Variants in RP1 observed in about 807,000 individuals in gnomAD.
The protein encoded by RP1 is RP1 axonemal microtubule associated.
In RP1, 16 loss-of-function variants were observed where a neutral mutation model predicts 14.8. That is an observed-to-expected ratio of 1.08 (90% CI 0.73 to 1.65). RP1 has a LOEUF of 1.65. Among genes scored for constraint, RP1 ranks in the 40% most tolerant of loss-of-function variants. The pLI is 0.00. For synonymous variants in RP1, 876 were observed against 883.6 expected (o/e 0.99, Z 0.15); for missense variants, 2,631 against 2,535.0 (o/e 1.04, Z -0.81).
chr8:54,754,681 C>T (rs1809455651), intron 19 of RP1: 1 of 998,650 alleles, frequency 1.0e-6, no homozygotes, highest in Non-Finnish European at 1.3e-6. Context: ...ACAACCATCA[C>T]CGCTATCACC....
At chr8:54,807,487 C>T (rs897019742) in intron 24 of RP1, among the ~76,000 whole-genome samples, 1 of 151,976 alleles carries the variant, frequency 6.6e-6, no homozygotes, top group African/African-American at 2.4e-5. Context: ...ATGTGTGTTT[C>T]TGATGCTTGT....
At chr8:54,734,880 T>C in intron 18 of RP1, 1 of 630,542 alleles carries the variant, frequency 1.6e-6, no homozygotes, top group Middle Eastern at 2.9e-4. Flanking sequence ...TGTAAGTTAA[T>C]AATGCTTATT....
chr8:54,814,101 G>A (rs1811077811), intron 24 of RP1, among the ~76,000 whole-genome samples: 1 of 152,116 alleles, frequency 6.6e-6, no homozygotes, highest in African/African-American at 2.4e-5. Context: ...CAACAAACAG[G>A]CCTATTGTTC....
chr8:54,853,291 AG>A (rs979697361), intron 26 of RP1, among the ~76,000 whole-genome samples: 25 of 152,342 alleles, frequency 1.6e-4, no homozygotes, highest in African/African-American at 5.8e-4. Flanking sequence ...GATCAGGGAC[AG>A]GTCCTGCAGC....
intron 27 of RP1, among the ~76,000 whole-genome samples, chr8:54,861,115 C>T (rs1812332629): frequency 6.6e-6 from 1 of 152,042 alleles, no homozygotes; most frequent in Non-Finnish European, 1.5e-5. Flanking sequence ...AAAAGTATAC[C>T]ATAATAGAGT....
At chr8:54,866,016 T>C (rs1812450462) in intron 28 of RP1, 1 of 453,136 alleles carries the variant, frequency 2.2e-6, no homozygotes, top group Non-Finnish European at 3.6e-6. Flanking sequence ...TTGGACAACA[T>C]CATTCCCTCC....
intron 19 of RP1, among the ~76,000 whole-genome samples, chr8:54,739,701 G>A (rs1394123543): frequency 1.3e-5 from 2 of 151,232 alleles, no homozygotes; most frequent in African/African-American, 2.4e-5. Context: ...CTGTCTCTCG[G>A]TATAGATATA....
chr8:54,799,408 G>A (rs1308985339), intron 24 of RP1, among the ~76,000 whole-genome samples: 1 of 151,962 alleles, frequency 6.6e-6, no homozygotes, highest in Non-Finnish European at 1.5e-5. Context: ...CTTGTAGATA[G>A]TATGGAGTTG....
intron 1 of RP1, among the ~76,000 whole-genome samples, chr8:54,584,212 A>G (rs1432745504): frequency 2.0e-5 from 3 of 152,060 alleles, no homozygotes; most frequent in African/African-American, 2.4e-5. Flanking sequence ...CTTTGTTCTC[A>G]TTGGTTTCAA....
chr8:54,677,460 C>CT (rs796594233), intron 8 of RP1, among the ~76,000 whole-genome samples: 6 of 152,268 alleles, frequency 3.9e-5, no homozygotes, highest in African/African-American at 1.4e-4. Context: ...AGAACAGTGG[C>CT]TTATGCCTAT....
chr8:54,798,472 C>G (rs753175255), intron 24 of RP1, among the ~76,000 whole-genome samples: 2 of 152,200 alleles, frequency 1.3e-5, no homozygotes, highest in African/African-American at 4.8e-5. Flanking sequence ...CTCACATTGT[C>G]TTAATTTTGT....
intron 27 of RP1, among the ~76,000 whole-genome samples, chr8:54,864,943 G>T (rs150630989): frequency 1.6e-3 from 251 of 152,122 alleles, no homozygotes; most frequent in Middle Eastern, 0.01. Flanking sequence ...AGTTTATGAG[G>T]AACTGACATC....
chr8:54,685,663 A>C (rs1807545982), intron 12 of RP1, among the ~76,000 whole-genome samples: 1 of 152,062 alleles, frequency 6.6e-6, no homozygotes, highest in Admixed American at 6.6e-5. Flanking sequence ...AAACATGATG[A>C]GATTTTTTTT....
intron 1 of RP1, among the ~76,000 whole-genome samples, chr8:54,588,243 G>A (rs963114925): frequency 6.6e-6 from 1 of 152,176 alleles, no homozygotes; most frequent in African/African-American, 2.4e-5. Flanking sequence ...TGTTTCCACG[G>A]TGGGCAATGC....
intron 8 of RP1, among the ~76,000 whole-genome samples, chr8:54,675,505 A>C (rs1807274159): frequency 6.6e-6 from 1 of 152,176 alleles, no homozygotes; most frequent in Non-Finnish European, 1.5e-5. Flanking sequence ...TAGATAGGGA[A>C]GCACTTTCAT....
chr8:54,671,533 T>C (rs1452549679), intron 7 of RP1, among the ~76,000 whole-genome samples: 1 of 152,110 alleles, frequency 6.6e-6, no homozygotes, highest in Non-Finnish European at 1.5e-5. Flanking sequence ...CACCCTTTTA[T>C]TTTGTTGCTC....
chr8:54,671,699 T>C (rs1005781098), intron 7 of RP1, among the ~76,000 whole-genome samples: 1 of 152,170 alleles, frequency 6.6e-6, no homozygotes, highest in South Asian at 2.1e-4. Context: ...TTTCTATCTT[T>C]TTCATTGTAT....
intron 24 of RP1, among the ~76,000 whole-genome samples, chr8:54,798,250 G>C (rs563348369): frequency 6.6e-6 from 1 of 152,110 alleles, no homozygotes; most frequent in Non-Finnish European, 1.5e-5. Flanking sequence ...GAGCTCAGGC[G>C]ATCTGCCTGC....
chr8:54,713,478 A>G (rs190164366), intron 15 of RP1, among the ~76,000 whole-genome samples: 1 of 152,216 alleles, frequency 6.6e-6, no homozygotes. Context: ...ATGCACACAG[A>G]CATACCCCAC....
Sources: allele counts gnomAD v4.1 joint callset (sites outside exome capture counted in the v4.1 genomes callset), GRCh38; gene constraint gnomAD v4.1.1; transcripts MANE v1.5; gene names NCBI Gene and HGNC (gene_info 2026-07-23, HGNC 2026-07-21).